Variants in RIN2 observed in about 807,000 individuals in gnomAD.
The protein encoded by RIN2 is RAB5 interacting protein 2.
A neutral mutation model predicts 78.0 loss-of-function variants in RIN2; 36 were observed. That is an observed-to-expected ratio of 0.46 (90% CI 0.35 to 0.61). The LOEUF is 0.61. RIN2 is among the 20% of genes least tolerant of loss of function. RIN2 has a pLI of 0.00. For synonymous variants in RIN2, 466 were observed against 466.8 expected, an observed-to-expected ratio of 1.00 and a Z score of 0.02; for missense variants, 1,087 against 1,159.7, an observed-to-expected ratio of 0.94 and a Z score of 0.91.
chr20:19,841,312 A>AT (rs1157848284), intron 2 of RIN2, among the ~76,000 whole-genome samples: 5 of 151,856 alleles, frequency 3.3e-5, no homozygotes, highest in East Asian at 2.0e-4. Context: ...CTTTACTGTG[A>AT]TTTTTTTGGC....
chr20:19,999,876 A>G (rs965043942), intron 12 of RIN2, among the ~76,000 whole-genome samples: 2 of 152,224 alleles, frequency 1.3e-5, no homozygotes, highest in African/African-American at 4.8e-5. Context: ...GACTTTTTCC[A>G]CATTGTGCCC....
Position 19,996,343 on chromosome 20 carries a change from C to CA in RIN2, c.2201-328dup, listed in dbSNP as rs767676797. 2.1e-3 allele frequency among the ~76,000 whole-genome samples: 319 copies of CA among 151,778 alleles called. 2 individuals are homozygous for CA. Among genetic ancestry groups the CA allele is most frequent in the Non-Finnish European group, 3.6e-3 (242 of 67,854 alleles). ...ACAAACAAACAAAAAAACAAACAAA[C>CA]AAAAAAAACACTTTAGTGGCTTGGT... On this transcript the variant is annotated intron_variant, in intron 11 of 12. Coordinates refer to ENST00000255006, the MANE Select transcript of RIN2 (RefSeq NM_018993.4).
At chr20:19,773,347 A>C (rs576540060) in intron 1 of RIN2, among the ~76,000 whole-genome samples, 1 of 152,356 alleles carries the variant, frequency 6.6e-6, no homozygotes, top group African/African-American at 2.4e-5. Flanking sequence ...GTGGGGACAC[A>C]ATTCAACCCA....
At chr20:19,940,520 G>T (rs989394289) in intron 4 of RIN2, among the ~76,000 whole-genome samples, 1 of 152,198 alleles carries the variant, frequency 6.6e-6, no homozygotes, top group East Asian at 1.9e-4. Context: ...GGCCAATAGA[G>T]TAGGAGCTGA....
chr20:19,920,332 T>A (rs1414794594), intron 3 of RIN2, among the ~76,000 whole-genome samples: 1 of 150,920 alleles, frequency 6.6e-6, no homozygotes, highest in Non-Finnish European at 1.5e-5. Flanking sequence ...TCATCCCTTG[T>A]GGTACTTCAA....
chr20:19,801,446 G>A (rs141906071), intron 2 of RIN2, among the ~76,000 whole-genome samples: 1,680 of 151,938 alleles, frequency 0.011, 42 homozygotes, highest in African/African-American at 0.038. Flanking sequence ...TCAGCCTCCC[G>A]AGTAGCTGGG....
At chr20:19,857,846 A>G (rs898933754) in intron 2 of RIN2, among the ~76,000 whole-genome samples, 6 of 151,984 alleles carry the variant, frequency 3.9e-5, no homozygotes, top group African/African-American at 1.4e-4. Flanking sequence ...AATAATTTGG[A>G]TTTTCCTGAT....
At chr20:19,760,323 T>C (rs1387820563) in intron 1 of RIN2, among the ~76,000 whole-genome samples, 1 of 152,166 alleles carries the variant, frequency 6.6e-6, no homozygotes, top group Non-Finnish European at 1.5e-5. Flanking sequence ...AAAACCAACC[T>C]GCTATCAAGA....
At chr20:19,956,898 T>G in intron 5 of RIN2, 91 bp downstream of exon 5, 115 of 1,059,408 alleles carry the variant, frequency 1.1e-4, no homozygotes, top group Middle Eastern at 3.1e-4. Flanking sequence ...CAGAAATTTC[T>G]TCCTAGCTTG....
At position 19,840,137 on chromosome 20, in the gene RIN2, A is replaced by G. The variant is rs566148906; in HGVS notation, c.-37+40390A>G. On this transcript the variant is annotated intron_variant, in intron 2 of 12. Coordinates refer to ENST00000255006, the MANE Select transcript of RIN2 (RefSeq NM_018993.4). ...TTATTATTTCTATAATCAAGGAAAA[A>G]GCTGAACACTTTTAGTTTTAGCCAA... Among the ~76,000 whole-genome samples the G allele has an allele frequency of 4.6e-5, 7 of 152,346 alleles. No homozygotes were observed. The South Asian group carries it at 1.2e-3, about 27-fold the overall frequency.
intron 2 of RIN2, among the ~76,000 whole-genome samples, chr20:19,844,867 A>G (rs892835420): frequency 3.9e-5 from 6 of 151,912 alleles, no homozygotes; most frequent in African/African-American, 1.5e-4. Context: ...TATTTCTGCT[A>G]ATGCTATTCC....
intron 2 of RIN2, among the ~76,000 whole-genome samples, chr20:19,876,761 T>C (rs1051011309): frequency 4.5e-4 from 68 of 151,882 alleles, no homozygotes; most frequent in African/African-American, 1.6e-3. Flanking sequence ...AAAAATTATC[T>C]GGGTGTGGTG....
intron 1 of RIN2, among the ~76,000 whole-genome samples, chr20:19,779,297 TTA>T (rs1491442325): frequency 1.5e-5 from 2 of 137,290 alleles, no homozygotes; most frequent in Non-Finnish European, 3.2e-5. Context: ...AAAGCACAGA[TTA>T]AAAAAAAAAT....
At chr20:19,889,762 C>T (rs1164630500) in intron 3 of RIN2, 104 bp downstream of exon 3, 1 of 902,210 alleles carries the variant, frequency 1.1e-6, no homozygotes, top group Non-Finnish European at 1.6e-6. Context: ...CTCTCTGAGC[C>T]AGCACCGGCT....
Position 19,866,633 on chromosome 20 carries a change from TATTTA to T in RIN2, c.-36-22932_-36-22928del, listed in dbSNP as rs2037516694. Among the ~76,000 whole-genome samples, 6 of 151,916 alleles carry T rather than the reference TATTTA, an allele frequency of 3.9e-5. No homozygotes were observed. In the South Asian group the frequency reaches 1.2e-3, roughly 31 times the overall value. The stretch of plus-strand genomic sequence containing the variant: ...TAATTTTGGATATTTTATTTTATTT[TATTTA>T]TTTTGAGACAGAGTCTTCCTGTGTC... On this transcript the variant is annotated intron_variant, in intron 2 of 12. Coordinates refer to ENST00000255006, the MANE Select transcript of RIN2 (RefSeq NM_018993.4).
chr20:19,801,373 T>C (rs1307547577), intron 2 of RIN2, among the ~76,000 whole-genome samples: 1 of 152,052 alleles, frequency 6.6e-6, no homozygotes, highest in Non-Finnish European at 1.5e-5. Context: ...CAGGCTGGAG[T>C]GCAGTGGCGC....
chr20:20,002,203 A>C lies in RIN2; in HGVS notation c.*1267A>C, dbSNP rs1601112068. ...AAATAAAACCAGTTTGCAGGTGCAC[A>C]AACTATGAGGGTCTTGTATCCACGT... On this transcript the variant is annotated 3_prime_UTR_variant, in exon 13 of 13. Coordinates refer to ENST00000255006, the MANE Select transcript of RIN2 (RefSeq NM_018993.4). 1 of 152,420 alleles carries C rather than the reference A, an allele frequency of 6.6e-6. No homozygotes were observed. Among genetic ancestry groups the C allele is most frequent in the East Asian group, 1.9e-4 (1 of 5,190 alleles). 9.4% of individuals were successfully genotyped at this position (152,420 alleles called of 1,614,324 possible). A position where few individuals can be genotyped will look rare whatever the true frequency, so the allele number is the denominator to read the frequency against.
chr20:19,860,478 C>T (rs933118773), intron 2 of RIN2, among the ~76,000 whole-genome samples: 56 of 122,176 alleles, frequency 4.6e-4, no homozygotes, highest in Non-Finnish European at 7.1e-4. Flanking sequence ...CACCACCACA[C>T]CCAGCTAATT....
At chr20:19,866,707 T>A in intron 2 of RIN2, among the ~76,000 whole-genome samples, 1 of 152,094 alleles carries the variant, frequency 6.6e-6, no homozygotes, top group East Asian at 1.9e-4. Flanking sequence ...TCACTGCAAG[T>A]TCCACCTCCC....
Sources: allele counts gnomAD v4.1 joint callset (sites outside exome capture counted in the v4.1 genomes callset), GRCh38; gene constraint gnomAD v4.1.1; transcripts MANE v1.5; gene names NCBI Gene and HGNC (gene_info 2026-07-23, HGNC 2026-07-21).